The following OSBPL8 variants were observed in gnomAD, a reference collection of about 807,000 sequenced individuals.
OSBPL8 encodes oxysterol binding protein like 8, also known as oxysterol-binding protein-related protein 8.
A neutral mutation model predicts 125.5 loss-of-function variants in OSBPL8; 59 were observed. That is an observed-to-expected ratio of 0.47 (90% CI 0.38 to 0.58). The LOEUF is 0.58. Among genes scored for constraint, OSBPL8 ranks in the 20% least tolerant of loss-of-function variants. OSBPL8 has a pLI of 0.00. For missense variants in OSBPL8, 758 were observed against 1,047.8 expected (o/e 0.72, Z 3.82); for synonymous variants, 330 against 338.9 (o/e 0.97, Z 0.29).
At chr12:76,480,167 C>CAAAAAAAAAAAAAAAAAAAAAA (rs57582036) in intron 2 of OSBPL8, among the ~76,000 whole-genome samples, 2 of 56,386 alleles carry the variant, frequency 3.5e-5, no homozygotes, top group Non-Finnish European at 6.1e-5. Context: ...AACTCCATCT[C>CAAAAAAAAAAAAAAAAAAAAAA]AAAAAAAAAA....
chr12:76,379,348 G>GCAT (rs1952946401), intron 15 of OSBPL8, among the ~76,000 whole-genome samples: 1 of 152,026 alleles, frequency 6.6e-6, no homozygotes, highest in Admixed American at 6.5e-5. Flanking sequence ...GTTTTCTCCT[G>GCAT]TATGCATTTT....
chr12:76,554,175 T>C (rs1398070269), intron 1 of OSBPL8, among the ~76,000 whole-genome samples: 1 of 152,122 alleles, frequency 6.6e-6, no homozygotes, highest in African/African-American at 2.4e-5. Context: ...ATAAAATAAA[T>C]ATTTGCTTTA....
intron 6 of OSBPL8, among the ~76,000 whole-genome samples, chr12:76,400,977 T>G (rs1954029489): frequency 6.6e-6 from 1 of 151,840 alleles, no homozygotes; most frequent in Non-Finnish European, 1.5e-5. Flanking sequence ...TTTGTAGAGA[T>G]GGGGTTTCAC....
chr12:76,483,455 T>G, intron 2 of OSBPL8, among the ~76,000 whole-genome samples: 2 of 149,026 alleles, frequency 1.3e-5, no homozygotes, highest in Non-Finnish European at 3.0e-5. Flanking sequence ...TCCCAGCTAC[T>G]CGGGAGGCTG....
chr12:76,391,530 T>TG (rs1195216003), intron 10 of OSBPL8, among the ~76,000 whole-genome samples: 3 of 148,540 alleles, frequency 2.0e-5, no homozygotes, highest in Admixed American at 1.3e-4. Context: ...TTAAAGAGAG[T>TG]GGGGGAAAAA....
At chr12:76,415,351 G>A (rs993683645) in intron 4 of OSBPL8, among the ~76,000 whole-genome samples, 3 of 151,318 alleles carry the variant, frequency 2.0e-5, no homozygotes, top group Non-Finnish European at 4.4e-5. Context: ...GGGTTCAAGC[G>A]ATTCTCCTGC....
chr12:76,497,012 T>C (rs1210679769), intron 1 of OSBPL8, among the ~76,000 whole-genome samples: 1 of 152,184 alleles, frequency 6.6e-6, no homozygotes, highest in Non-Finnish European at 1.5e-5. Flanking sequence ...GTATGAATAC[T>C]GAGGCTTTAA....
At chr12:76,464,788 C>A (rs1875196841) in intron 2 of OSBPL8, among the ~76,000 whole-genome samples, 2 of 152,202 alleles carry the variant, frequency 1.3e-5, no homozygotes, top group African/African-American at 4.8e-5. Context: ...ACAAAGAGCT[C>A]ATCAAGCACT....
At chr12:76,510,938 T>A (rs1189094536) in intron 1 of OSBPL8, among the ~76,000 whole-genome samples, 1 of 151,910 alleles carries the variant, frequency 6.6e-6, no homozygotes, top group African/African-American at 2.4e-5. Context: ...CTGTTCTAGA[T>A]TCCGGACATA....
chr12:76,542,162 A>G (rs1251538914), intron 1 of OSBPL8, among the ~76,000 whole-genome samples: 1 of 152,096 alleles, frequency 6.6e-6, no homozygotes, highest in Non-Finnish European at 1.5e-5. Context: ...CAAGAGCGAA[A>G]CTCCATCTCA....
chr12:76,515,514 G>T (rs1230199814), intron 1 of OSBPL8, among the ~76,000 whole-genome samples: 5 of 152,144 alleles, frequency 3.3e-5, no homozygotes, highest in African/African-American at 1.2e-4. Context: ...TCGGATGGGT[G>T]GCTCCGCAAT....
intron 10 of OSBPL8, among the ~76,000 whole-genome samples, chr12:76,391,132 T>C (rs1178368893): frequency 2.0e-5 from 3 of 152,114 alleles, no homozygotes. Flanking sequence ...GTTTCCAAAG[T>C]CACCTCACAT....
chr12:76,389,855 A>G, intron 11 of OSBPL8, 26 bp from the exon 12 acceptor site: 1 of 1,446,132 alleles, frequency 6.9e-7, no homozygotes, highest in Middle Eastern at 1.8e-4. Context: ...AAAATTACCA[A>G]AACATTATAT....
At chr12:76,377,210 A>G (rs1952855776) in intron 16 of OSBPL8, among the ~76,000 whole-genome samples, 1 of 152,106 alleles carries the variant, frequency 6.6e-6, no homozygotes, top group African/African-American at 2.4e-5. Flanking sequence ...AGTCTTTGCT[A>G]TTGTGAATAG....
intron 22 of OSBPL8, 55 bp downstream of exon 22, chr12:76,358,651 A>G: frequency 7.2e-7 from 1 of 1,394,272 alleles, no homozygotes; most frequent in Non-Finnish European, 1.0e-6. Flanking sequence ...TTCATATCAA[A>G]TTGTGTAGTA....
At chr12:76,528,811 G>A (rs913967459) in intron 1 of OSBPL8, among the ~76,000 whole-genome samples, 4 of 151,958 alleles carry the variant, frequency 2.6e-5, no homozygotes, top group Non-Finnish European at 2.9e-5. Context: ...CTATAATGGC[G>A]CCACTACACT....
chr12:76,371,214 C>T, intron 19 of OSBPL8: 1 of 344,050 alleles, frequency 2.9e-6, no homozygotes, highest in Admixed American at 4.6e-5. Context: ...TTTTAAGGTG[C>T]TGGAACAATT....
intron 1 of OSBPL8, among the ~76,000 whole-genome samples, chr12:76,526,556 T>C (rs898045820): frequency 6.6e-6 from 1 of 150,932 alleles, no homozygotes; most frequent in Non-Finnish European, 1.5e-5. Flanking sequence ...AAAAGCTGCA[T>C]ATTTTCTAAT....
In OSBPL8 at chr12:76,520,391, G is replaced by T. The variant is rs535681232; in HGVS notation, c.-67-32773C>A. Among the ~76,000 whole-genome samples the T allele has an allele frequency of 2.0e-3, 298 of 152,168 alleles. 1 individual carries two copies. The highest frequency in any genetic ancestry group is 6.8e-3 in the African/African-American group (283 of 41,518). On this transcript the variant is annotated intron_variant, in intron 1 of 23. Transcript: ENST00000261183. ...TCTGCCTCCCCCCATTAGATCCAAG[G>T]CTCCATAAGGAAAATCAGTTTACAC...
Sources: gnomAD v4.1 joint callset for allele counts (sites outside exome capture counted in the v4.1 genomes callset) on GRCh38, gnomAD v4.1.1 for gene constraint, MANE v1.5 for transcripts, NCBI Gene and HGNC (gene_info 2026-07-23, HGNC 2026-07-21) for gene names.